DSCAML1: variants seen among roughly 807,000 people sequenced by gnomAD.
DSCAML1 encodes DS cell adhesion molecule like 1.
A neutral mutation model predicts 200.5 loss-of-function variants in DSCAML1; 38 were observed. The ratio of observed to expected loss-of-function variants is 0.19; its 90% CI spans 0.15 to 0.25. The LOEUF (loss-of-function observed/expected upper bound fraction) is 0.25, where lower values mean the gene tolerates loss of function less well. Among genes scored for constraint, DSCAML1 ranks in the 10% least tolerant of loss-of-function variants. The pLI is 1.00. For missense variants in DSCAML1, 2,223 were observed against 2,858.8 expected (o/e 0.78, Z 5.07); for synonymous variants, 1,215 against 1,165.0 (o/e 1.04, Z -0.87).
chr11:117,442,236 G>A (rs542856608), intron 21 of DSCAML1, among the ~76,000 whole-genome samples: 5 of 151,424 alleles, frequency 3.3e-5, no homozygotes, highest in South Asian at 2.1e-4. Context: ...GTGTGTGTGC[G>A]TGTGTATGCA....
intron 3 of DSCAML1, among the ~76,000 whole-genome samples, chr11:117,553,153 A>C (rs2050499168): frequency 6.6e-6 from 1 of 152,212 alleles, no homozygotes; most frequent in Non-Finnish European, 1.5e-5. Context: ...CGAAGGCCTG[A>C]GTGCAAGAGC....
chr11:117,498,160 G>C lies in DSCAML1; in HGVS notation c.2359+5685C>G, dbSNP rs575217117. On this transcript the variant is annotated intron_variant, in intron 11 of 32. Transcript: ENST00000651296. This position sits in a 1 kb window ranked among gnomAD's most constrained non-coding sequence, Gnocchi z 4.0. Reference sequence around the variant, plus strand: ...CCCAAGGAGCTTCAGTCTGTGACGAGATAGGACCCACCACCGGGGAACACA... The same window carrying C: ...CCCAAGGAGCTTCAGTCTGTGACGACATAGGACCCACCACCGGGGAACACA... Among the ~76,000 whole-genome samples, 3 of 152,334 alleles carry C rather than the reference G, an allele frequency of 2.0e-5. No homozygotes were observed. The highest frequency in any genetic ancestry group is 7.2e-5 in the African/African-American group (3 of 41,570).
At chr11:117,592,913 CG>C (rs1646030932) in intron 3 of DSCAML1, among the ~76,000 whole-genome samples, 1 of 152,254 alleles carries the variant, frequency 6.6e-6, no homozygotes, top group African/African-American at 2.4e-5. Flanking sequence ...TCAGGCAGCA[CG>C]GGGTGTGAAC....
rs751201170 is a variant in DSCAML1 at position 117,640,889 on chromosome 11, CTGTG to C, written c.512-108371_512-108368del. On this transcript the variant is annotated intron_variant, in intron 3 of 32. Coordinates refer to ENST00000651296, the MANE Select transcript of DSCAML1 (RefSeq NM_020693.4). ...GAACTGAGATGAGATTTGTTCCCTG[CTGTG>C]TGTGTGTTTGTGTGCATGTGTGTAC... is the stretch of plus-strand genomic sequence containing the variant. Among the ~76,000 whole-genome samples, 33 of 152,250 alleles carry C rather than the reference CTGTG, an allele frequency of 2.2e-4. No individual in the cohort carries two copies. In the East Asian group the frequency reaches 4.8e-3, roughly 22 times the overall value.
intron 11 of DSCAML1, among the ~76,000 whole-genome samples, chr11:117,486,966 C>T (rs1225104733): frequency 1.6e-5 from 2 of 123,958 alleles, no homozygotes; most frequent in Non-Finnish European, 3.2e-5. Flanking sequence ...CTCTTGTTGC[C>T]CAGGCTAGAG....
chr11:117,586,919 T>C (rs1465517683), intron 3 of DSCAML1, among the ~76,000 whole-genome samples: 1 of 152,202 alleles, frequency 6.6e-6, no homozygotes, highest in East Asian at 1.9e-4. Flanking sequence ...AAGTTGGCTT[T>C]TCTGGAGTGG....
intron 3 of DSCAML1, among the ~76,000 whole-genome samples, chr11:117,650,536 G>A (rs758872879): frequency 3.3e-5 from 5 of 152,264 alleles, no homozygotes; most frequent in South Asian, 2.1e-4. Context: ...ACGCAGCCTC[G>A]TGCAAAGAGG....
chr11:117,763,567 G>A (rs746560196), intron 3 of DSCAML1, among the ~76,000 whole-genome samples: 1 of 151,844 alleles, frequency 6.6e-6, no homozygotes, highest in Non-Finnish European at 1.5e-5. Context: ...TACAACTCAC[G>A]CAGCATCACT....
chr11:117,434,595 A>G (rs1354848971), intron 27 of DSCAML1, among the ~76,000 whole-genome samples: 1 of 152,070 alleles, frequency 6.6e-6, no homozygotes, highest in African/African-American at 2.4e-5. Context: ...TCAACAATCC[A>G]TCAATTTATC....
chr11:117,588,364 C>T (rs2051191636), intron 3 of DSCAML1, among the ~76,000 whole-genome samples: 1 of 152,152 alleles, frequency 6.6e-6, no homozygotes, highest in Admixed American at 6.5e-5. Context: ...ACCCAGTGCC[C>T]ATTCCAATCA....
chr11:117,529,746 G>C (rs1021362772), intron 4 of DSCAML1, among the ~76,000 whole-genome samples: 1 of 151,704 alleles, frequency 6.6e-6, no homozygotes, highest in African/African-American at 2.4e-5. Context: ...ACATCTCAGC[G>C]GACACTCGTG....
chr11:117,792,318 T>C (rs2134072190), intron 1 of DSCAML1, among the ~76,000 whole-genome samples: 1 of 152,236 alleles, frequency 6.6e-6, no homozygotes, highest in East Asian at 1.9e-4. Context: ...CTCAGGGCCC[T>C]GGAAATGCAG....
At chr11:117,576,492 T>A (rs1233198152) in intron 3 of DSCAML1, among the ~76,000 whole-genome samples, 1 of 152,208 alleles carries the variant, frequency 6.6e-6, no homozygotes, top group Admixed American at 6.5e-5. Context: ...TTTACCAACA[T>A]CTTCATTGCC....
chr11:117,769,035 G>A (rs1250469740), intron 3 of DSCAML1, among the ~76,000 whole-genome samples: 2 of 135,592 alleles, frequency 1.5e-5, no homozygotes, highest in Non-Finnish European at 3.1e-5. Flanking sequence ...AAGATCACCT[G>A]GGTGACAGAG....
chr11:117,714,655 G>A (rs4936397), intron 3 of DSCAML1, among the ~76,000 whole-genome samples: 144,830 of 151,976 alleles, frequency 0.95, 69,181 homozygotes, highest in South Asian at 0.99. Context: ...CATCTCTACT[G>A]AAAATACAAA....
chr11:117,628,167 A>C (rs1461148937), intron 3 of DSCAML1, among the ~76,000 whole-genome samples: 1 of 152,236 alleles, frequency 6.6e-6, no homozygotes. Context: ...TGCTGGGTCG[A>C]TGTGAAGAGG....
In DSCAML1 at chr11:117,780,503, G is replaced by A. The variant is rs1591504043; in HGVS notation, c.354C>T (p.Arg118=). 1.4e-6 allele frequency: 2 copies of A among 1,447,790 alleles called. No homozygotes were observed. Among genetic ancestry groups the A allele is most frequent in the Non-Finnish European group, 1.8e-6 (2 of 1,094,456 alleles). 89.7% of individuals were successfully genotyped at this position (1,447,790 alleles called of 1,614,324 possible). A position where few individuals can be genotyped will look rare whatever the true frequency, so the allele number is the denominator to read the frequency against. ...AAGKIRSPNI[R]VKAVFREPYT... Reference sequence around the variant, plus strand: ...TGTCTTGTCCCTTACCTGCTTTGACGCGGATGTTGGGGCTCCGGATCTTGC... The same window carrying A: ...TGTCTTGTCCCTTACCTGCTTTGACACGGATGTTGGGGCTCCGGATCTTGC... Residue 118 remains arginine (R), a synonymous_variant, in exon 2 of 33, where the codon CGC becomes CGT. Coordinates refer to ENST00000651296, the MANE Select transcript of DSCAML1 (RefSeq NM_020693.4). This position sits in a 1 kb window ranked among gnomAD's most constrained non-coding sequence, Gnocchi z 4.8.
At chr11:117,788,892 G>A (rs1478463287) in intron 1 of DSCAML1, among the ~76,000 whole-genome samples, 1 of 152,228 alleles carries the variant, frequency 6.6e-6, no homozygotes, top group East Asian at 1.9e-4. Context: ...TCCCCATGGT[G>A]TGAGCACACT....
At position 117,770,997 on chromosome 11, in the gene DSCAML1, C is replaced by G. The variant is rs145669986; in HGVS notation, c.511+5794G>C. 2.3e-3 allele frequency among the ~76,000 whole-genome samples: 354 copies of G among 152,306 alleles called. 3 individuals are homozygous for G. The highest frequency in any genetic ancestry group is 8.2e-3 in the African/African-American group (341 of 41,558). On this transcript the variant is annotated intron_variant, in intron 3 of 32. Coordinates refer to ENST00000651296, the MANE Select transcript of DSCAML1 (RefSeq NM_020693.4). ...GAAGATGGCAGGAGACAGCATTGGTCTAGGCCTCAGTTTCTTTATCCATAA... is the reference window on the plus strand; with the variant it reads ...GAAGATGGCAGGAGACAGCATTGGTGTAGGCCTCAGTTTCTTTATCCATAA...
Sources: gnomAD v4.1 joint callset for allele counts (sites outside exome capture counted in the v4.1 genomes callset) on GRCh38, gnomAD v4.1.1 for gene constraint, Gnocchi (gnomAD v3.1) non-coding constraint, MANE v1.5 for transcripts, NCBI Gene and HGNC (gene_info 2026-07-23, HGNC 2026-07-21) for gene names.